Variants in SUMF1 observed in about 807,000 individuals in gnomAD.
SUMF1 encodes the protein sulfatase modifying factor 1.
In SUMF1, 48 loss-of-function variants were observed where a neutral mutation model predicts 47.6. The ratio of observed to expected loss-of-function variants is 1.01; its 90% confidence interval spans 0.80 to 1.28. The LOEUF (loss-of-function observed/expected upper bound fraction) is 1.28, where lower values mean the gene tolerates loss of function less well. Among genes scored for constraint, SUMF1 ranks in the 50% most tolerant of loss-of-function variants. The pLI is 0.00. For missense variants in SUMF1, 571 were observed against 485.4 expected, an observed-to-expected ratio of 1.18 and a Z score of -1.66; for synonymous variants, 230 against 192.1, an observed-to-expected ratio of 1.20 and a Z score of -1.63.
chr3:4,290,523 G>GA, intron 8 of SUMF1, among the ~76,000 whole-genome samples: 1 of 152,252 alleles, frequency 6.6e-6, no homozygotes, highest in Middle Eastern at 3.4e-3. Context: ...TTTTAAGAAC[G>GA]AGAAGGTAAC....
intron 8 of SUMF1, among the ~76,000 whole-genome samples, chr3:4,208,547 C>A (rs1267788123): frequency 6.7e-6 from 1 of 150,126 alleles, no homozygotes; most frequent in Non-Finnish European, 1.5e-5. Flanking sequence ...TTAAAATTAT[C>A]AGACTAGGAT....
chr3:4,283,446 AT>A (rs1430578750), intron 8 of SUMF1, among the ~76,000 whole-genome samples: 1 of 152,208 alleles, frequency 6.6e-6, no homozygotes, highest in African/African-American at 2.4e-5. Flanking sequence ...ATTAAATTTC[AT>A]TAAGTATTTG....
intron 8 of SUMF1, among the ~76,000 whole-genome samples, chr3:4,087,021 T>C (rs1203852753): frequency 6.6e-6 from 1 of 152,132 alleles, no homozygotes; most frequent in African/African-American, 2.4e-5. Flanking sequence ...TAATACAAAG[T>C]ACTATCATCA....
intron 8 of SUMF1, among the ~76,000 whole-genome samples, chr3:4,263,957 A>G (rs1224499617): frequency 6.6e-6 from 1 of 152,200 alleles, no homozygotes; most frequent in Non-Finnish European, 1.5e-5. Flanking sequence ...GTTCCTCTAT[A>G]AACTAGACAG....
chr3:4,287,101 C>T (rs1697647475), intron 8 of SUMF1, among the ~76,000 whole-genome samples: 1 of 152,172 alleles, frequency 6.6e-6, no homozygotes, highest in African/African-American at 2.4e-5. Context: ...ATGTTTCTCA[C>T]AGCTAATGGA....
At chr3:4,420,669 T>G (rs1382345880) in intron 3 of SUMF1, among the ~76,000 whole-genome samples, 5 of 152,138 alleles carry the variant, frequency 3.3e-5, no homozygotes, top group Non-Finnish European at 7.4e-5. Context: ...GTGCTGGGAT[T>G]ACAGGAGTGA....
chr3:4,234,362 C>G (rs1696364296), intron 8 of SUMF1, among the ~76,000 whole-genome samples: 1 of 152,056 alleles, frequency 6.6e-6, no homozygotes, highest in African/African-American at 2.4e-5. Flanking sequence ...TAAGCACAAG[C>G]AGCAATTGGA....
intron 3 of SUMF1, among the ~76,000 whole-genome samples, chr3:4,431,464 A>G (rs1702229768): frequency 6.6e-6 from 1 of 152,206 alleles, no homozygotes; most frequent in African/African-American, 2.4e-5. Context: ...AGCCACACTG[A>G]GAGAGAAACC....
intron 8 of SUMF1, among the ~76,000 whole-genome samples, chr3:4,321,205 A>G (rs1459460871): frequency 2.0e-5 from 3 of 152,134 alleles, no homozygotes; most frequent in Non-Finnish European, 4.4e-5. Flanking sequence ...AGAAGGTTAC[A>G]TATAGAAATA....
At chr3:4,370,301 G>A (rs1033662173) in intron 8 of SUMF1, among the ~76,000 whole-genome samples, 3 of 152,184 alleles carry the variant, frequency 2.0e-5, no homozygotes, top group African/African-American at 7.2e-5. Context: ...AAAGGTATTA[G>A]CCAGCTTCTA....
At chr3:4,217,357 C>A (rs1391320508) in intron 8 of SUMF1, among the ~76,000 whole-genome samples, 1 of 148,310 alleles carries the variant, frequency 6.7e-6, no homozygotes. Flanking sequence ...CACACAAGGG[C>A]CTGTCAGGGG....
rs543550690 is a variant in SUMF1 at position 4,393,668 on chromosome 3, T to A, written c.954+17197A>T. On this transcript the variant is annotated intron_variant, in intron 7 of 8. Transcript: ENST00000272902. ...TTATTTATTTATTATTATTATTATT[T>A]TTAATAATAGAGTGTGGCAGAAAGA... Among the ~76,000 whole-genome samples, 5 of 151,716 alleles carry A rather than the reference T, an allele frequency of 3.3e-5. No homozygotes were observed. The South Asian group carries it at 6.2e-4, about 19-fold the overall frequency.
At chr3:4,427,464 CCAACA>C (rs1015169693) in intron 3 of SUMF1, among the ~76,000 whole-genome samples, 6 of 152,054 alleles carry the variant, frequency 3.9e-5, no homozygotes, top group Non-Finnish European at 7.4e-5. Context: ...TCCTCAGTAC[CCAACA>C]CAAGTATGGA....
Position 4,303,398 on chromosome 3 carries a change from C to T in SUMF1, c.1014+72932G>A, listed in dbSNP as rs762853375. The T allele has an allele frequency of 8.3e-6, 13 of 1,559,658 alleles. No homozygotes were observed. In the African/African-American group the frequency reaches 1.3e-4, roughly 15 times the overall value. On this transcript the variant is annotated intron_variant and NMD_transcript_variant, in intron 8 of 12. Transcript: ENST00000448413. Reference sequence around the variant, plus strand: ...GTTCGCGGAAGCGGCAAAGACGACACGGCCTTGTGGGATGGCGGAGTTTAA... The same window carrying T: ...GTTCGCGGAAGCGGCAAAGACGACATGGCCTTGTGGGATGGCGGAGTTTAA...
chr3:4,407,975 A>G (rs891759998), intron 7 of SUMF1, among the ~76,000 whole-genome samples: 7 of 152,224 alleles, frequency 4.6e-5, no homozygotes, highest in African/African-American at 1.7e-4. Flanking sequence ...GCTTCAAATC[A>G]TCTCAATTCC....
chr3:4,213,304 G>A (rs1298044102), intron 8 of SUMF1, among the ~76,000 whole-genome samples: 2 of 152,012 alleles, frequency 1.3e-5, no homozygotes, highest in African/African-American at 4.8e-5. Flanking sequence ...TTCATATCCA[G>A]TCAAACTAAG....
intron 8 of SUMF1, among the ~76,000 whole-genome samples, chr3:4,234,152 C>G (rs1419924358): frequency 6.6e-6 from 1 of 152,106 alleles, no homozygotes; most frequent in African/African-American, 2.4e-5. Context: ...GAACTGGGAT[C>G]TGGTCCTGAC....
At position 4,142,190 on chromosome 3, in the gene SUMF1, T is replaced by C. The variant is rs1694086819; in HGVS notation, c.1015-73445A>G. 2.0e-5 allele frequency among the ~76,000 whole-genome samples: 3 copies of C among 152,272 alleles called. No individual in the cohort carries two copies. In the South Asian group the frequency reaches 6.2e-4, roughly 32 times the overall value. Reference sequence around the variant, plus strand: ...ATTTCGCAAGGAATAGTTTGTCTGCTTTATTTTTCTCTATTGTTGAGAAAC... The same window carrying C: ...ATTTCGCAAGGAATAGTTTGTCTGCCTTATTTTTCTCTATTGTTGAGAAAC... On this transcript the variant is annotated intron_variant and NMD_transcript_variant, in intron 8 of 12. Transcript: ENST00000448413.
chr3:4,133,886 T>C (rs986061508), intron 8 of SUMF1, among the ~76,000 whole-genome samples: 3 of 152,068 alleles, frequency 2.0e-5, no homozygotes, highest in African/African-American at 4.8e-5. Context: ...AGTGGGGGCA[T>C]TGACTGGGAA....
Sources: allele counts gnomAD v4.1 joint callset (sites outside exome capture counted in the v4.1 genomes callset), GRCh38; gene constraint gnomAD v4.1.1; transcripts MANE v1.5; gene names NCBI Gene and HGNC (gene_info 2026-07-23, HGNC 2026-07-21).